TLR2: variants seen among roughly 807,000 people sequenced by gnomAD.
TLR2 encodes toll like receptor 2.
Under a neutral mutation model 9.1 loss-of-function variants are expected in TLR2, and 7 were observed. That is an observed-to-expected ratio of 0.77 (90% confidence interval 0.44 to 1.44). The LOEUF (loss-of-function observed/expected upper bound fraction) is 1.44, where lower values mean the gene tolerates loss of function less well. Ranked by LOEUF, TLR2 falls within the 40% of genes most tolerant of loss-of-function variation. TLR2 has a pLI of 0.01. For missense variants in TLR2, 812 were observed against 904.6 expected (o/e 0.90, Z 1.31); for synonymous variants, 317 against 344.6 (o/e 0.92, Z 0.89).
At chr4:153,698,588 A>T (rs1300892995) in intron 2 of TLR2, among the ~76,000 whole-genome samples, 6 of 152,202 alleles carry the variant, frequency 3.9e-5, no homozygotes, top group Non-Finnish European at 8.8e-5. Flanking sequence ...ATGAAAAAAT[A>T]TTGGTGTTAT....
chr4:153,709,704 G>A (rs559925671), downstream of TLR2, among the ~76,000 whole-genome samples: 4 of 152,352 alleles, frequency 2.6e-5, 1 homozygote, highest in Admixed American at 1.3e-4. Context: ...GACTGTGCAC[G>A]TGTATGTGTG....
At chr4:153,698,718 A>G (rs1736677852) in intron 2 of TLR2, among the ~76,000 whole-genome samples, 1 of 152,222 alleles carries the variant, frequency 6.6e-6, no homozygotes, top group African/African-American at 2.4e-5. Context: ...GACTATTTGA[A>G]CATTTACAGA....
chr4:153,704,622 G>GC lies in TLR2; in HGVS notation c.1717dup (p.Gln573ProfsTer70). On this transcript the variant is annotated frameshift_variant, in exon 3 of 3. Coordinates refer to ENST00000642700, the MANE Select transcript of TLR2 (RefSeq NM_001318789.2). LOFTEE classifies it low-confidence loss of function (END_TRUNC). ...TGTGACTCTCCATCCCATGTGCGTG[G>GC]CCAGCAGGTTCAGGATGTCCGCCTC... 1 of 1,613,510 alleles carries GC rather than the reference G, an allele frequency of 6.2e-7. No homozygotes were observed. Among genetic ancestry groups the GC allele is most frequent in the Non-Finnish European group, 8.5e-7 (1 of 1,179,968 alleles).
chr4:153,695,132 A>G (rs184879477), intron 2 of TLR2, among the ~76,000 whole-genome samples: 100 of 152,306 alleles, frequency 6.6e-4, no homozygotes, highest in Admixed American at 4.6e-3. Context: ...AGCACTAAAC[A>G]TGGGCGTGCA....
chr4:153,709,736 A>C (rs1737442302), downstream of TLR2, among the ~76,000 whole-genome samples: 1 of 152,266 alleles, frequency 6.6e-6, no homozygotes, highest in African/African-American at 2.4e-5. Context: ...AGAGTGGAAC[A>C]AAAGAAAAGT....
At chr4:153,692,262 T>C (rs1474523718) in intron 2 of TLR2, among the ~76,000 whole-genome samples, 1 of 152,214 alleles carries the variant, frequency 6.6e-6, no homozygotes, top group East Asian at 1.9e-4. Context: ...CCGGCTGCAA[T>C]GTCCCCATAG....
downstream of TLR2, among the ~76,000 whole-genome samples, chr4:153,709,960 A>G (rs529497033): frequency 5.9e-4 from 90 of 152,210 alleles, no homozygotes; most frequent in Non-Finnish European, 1.1e-3. Context: ...GTCCTTGACC[A>G]TAGATTACTT....
At chr4:153,693,379 A>G (rs1254149996) in intron 2 of TLR2, among the ~76,000 whole-genome samples, 1 of 152,228 alleles carries the variant, frequency 6.6e-6, no homozygotes, top group African/African-American at 2.4e-5. Context: ...AAATGTAGCT[A>G]TAATATTTCC....
rs76864917 is a variant in TLR2 at position 153,698,148 on chromosome 4, C to T, written c.-16-4744C>T. ...TTCGTGGAAAGGACTCTGATAAGTA[C>T]AGGTTTCTGATAACTTTAAGATCAT... On this transcript the variant is annotated intron_variant, in intron 2 of 2. Transcript: ENST00000642700. 5.0e-3 allele frequency among the ~76,000 whole-genome samples: 758 copies of T among 152,214 alleles called. 7 individuals carry two copies. Among genetic ancestry groups the T allele is most frequent in the African/African-American group, 0.017 (727 of 41,544 alleles).
chr4:153,684,630 GCTA>G (rs113430552), intron 1 of TLR2, among the ~76,000 whole-genome samples: 11 of 152,348 alleles, frequency 7.2e-5, no homozygotes, highest in African/African-American at 2.4e-4. Flanking sequence ...AGAAGCAGGG[GCTA>G]CACGGAAAGG....
In TLR2 at chr4:153,704,780, C is replaced by T. The variant is rs1269727621; in HGVS notation, c.1873C>T (p.Leu625Phe). 8.1e-6 allele frequency: 13 copies of T among 1,613,970 alleles called. No homozygotes were observed. The highest frequency in any genetic ancestry group is 1.1e-5 in the Non-Finnish European group (13 of 1,179,980). ...GTATATGAAAATGATGTGGGCCTGG[C>T]TCCAGGCCAAAAGGAAGCCCAGGAA... is the stretch of plus-strand genomic sequence containing the variant. Reference protein sequence around the residue: ...LWYMKMMWAWLQAKRKPRKAP... With the variant: ...LWYMKMMWAWFQAKRKPRKAP... Residue 625 changes from leucine (L) to phenylalanine (F), a missense_variant, in exon 3 of 3, where the codon CTC becomes TTC. By Grantham distance (22) the Leu-to-Phe change is conservative. Coordinates refer to ENST00000642700, the MANE Select transcript of TLR2 (RefSeq NM_001318789.2).
chr4:153,709,097 A>T (rs768239364), downstream of TLR2, among the ~76,000 whole-genome samples: 2 of 152,120 alleles, frequency 1.3e-5, no homozygotes, highest in Non-Finnish European at 2.9e-5. Context: ...TTTCTCAGTC[A>T]TGACACAATA....
downstream of TLR2, among the ~76,000 whole-genome samples, chr4:153,709,856 A>G (rs1427841262): frequency 6.6e-6 from 1 of 152,222 alleles, no homozygotes; most frequent in East Asian, 1.9e-4. Flanking sequence ...CTGCTGCCAG[A>G]GGCTTTGGGA....
At chr4:153,685,708 C>G (rs1244050272) in intron 1 of TLR2, among the ~76,000 whole-genome samples, 1 of 152,062 alleles carries the variant, frequency 6.6e-6, no homozygotes, top group African/African-American at 2.4e-5. Context: ...TCTAAGCTAT[C>G]AGTTAATTTT....
chr4:153,691,729 A>G (rs1315380345), intron 2 of TLR2, among the ~76,000 whole-genome samples: 1 of 152,180 alleles, frequency 6.6e-6, no homozygotes. Context: ...AGCAGGTCAT[A>G]TCCGATTAAT....
intron 2 of TLR2, among the ~76,000 whole-genome samples, chr4:153,692,610 T>A (rs1024946401): frequency 4.6e-5 from 7 of 152,160 alleles, no homozygotes; most frequent in African/African-American, 1.7e-4. Context: ...TTTTTCCTAG[T>A]CCCATACCAG....
In TLR2 at chr4:153,702,762, T is replaced by TTGTGTGTG. The variant is rs141605367; in HGVS notation, c.-16-92_-16-85dup. ...CATCTGTTTCTCTCTCTCTCTCTCT[T>TTGTGTGTG]TGTGTGTGTGTGTGTGTGTGTGTGT... On this transcript the variant is annotated intron_variant, in intron 2 of 2. Transcript: ENST00000642700. 3,917 of 416,418 alleles carry TTGTGTGTG rather than the reference T, an allele frequency of 9.4e-3. 28 individuals are homozygous for TTGTGTGTG. The highest frequency in any genetic ancestry group is 0.017 in the Admixed American group (389 of 23,522). The allele number at this position is 416,418 out of a possible 1,614,324, so 25.8% of individuals were successfully genotyped here.
rs1348465464 is a variant in TLR2, at chr4:153,703,214, G to C, written c.307G>C (p.Glu103Gln). Residue 103 changes from glutamate (E) to glutamine (Q), a missense_variant, in exon 3 of 3, where the codon GAA (glutamate) becomes CAA (glutamine). Coordinates refer to ENST00000642700, the MANE Select transcript of TLR2 (RefSeq NM_001318789.2). The part of the protein sequence containing the change: ...EDSFSSLGSL[E>Q]HLDLSYNYLS... Reference sequence around the variant, plus strand: ...TTCTTTTTCTTCCCTGGGCAGTCTTGAACATTTAGACTTATCCTATAATTA... The same window carrying C: ...TTCTTTTTCTTCCCTGGGCAGTCTTCAACATTTAGACTTATCCTATAATTA... 6.2e-7 allele frequency: 1 copy of C among 1,614,042 alleles called. No individual in the cohort carries two copies. The highest frequency in any genetic ancestry group is 8.5e-7 in the Non-Finnish European group (1 of 1,180,020).
intron 2 of TLR2, among the ~76,000 whole-genome samples, chr4:153,689,940 G>A (rs150148047): frequency 7.2e-5 from 11 of 152,058 alleles, no homozygotes; most frequent in East Asian, 1.9e-4. Flanking sequence ...CATCAGTCTC[G>A]ACATGGCTGC....
Sources: gnomAD v4.1 joint callset for allele counts (sites outside exome capture counted in the v4.1 genomes callset) on GRCh38, gnomAD v4.1.1 for gene constraint, MANE v1.5 for transcripts, NCBI Gene and HGNC (gene_info 2026-07-23, HGNC 2026-07-21) for gene names.